The following AMY2A variants were observed in gnomAD, a reference collection of about 807,000 sequenced individuals.
AMY2A encodes the protein pancreatic alpha-amylase.
In AMY2A, 16 loss-of-function variants were observed where a neutral mutation model predicts 43.0. The observed-to-expected ratio is 0.37, with a 90% confidence interval of 0.25 to 0.56. The LOEUF is 0.56. Ranked by LOEUF, AMY2A falls within the 20% of genes least tolerant of loss-of-function variation. The pLI is 0.77. For synonymous variants in AMY2A, 70 were observed against 144.6 expected (o/e 0.48, Z 3.70); for missense variants, 212 against 456.8 (o/e 0.46, Z 4.89).
chr1:103,619,929 A>C (rs1197750648), intron 4 of AMY2A, 145 bp downstream of exon 4: 13 of 1,429,776 alleles, frequency 9.1e-6, no homozygotes, highest in Non-Finnish European at 1.2e-5. Flanking sequence ...TTCTTCACAT[A>C]CAGCATATCT....
chr1:103,618,128 A>T, intron 2 of AMY2A, 28 bp downstream of exon 2: 1 of 1,587,824 alleles, frequency 6.3e-7, no homozygotes, highest in Non-Finnish European at 8.6e-7. Flanking sequence ...TCCTTTAAAA[A>T]TAACAGACAG....
At position 103,618,983 on chromosome 1, in the gene AMY2A, T is replaced by C; in HGVS notation, c.388T>C (p.Cys130Arg). 2.1e-6 allele frequency: 3 copies of C among 1,403,966 alleles called. No homozygotes were observed. The highest frequency in any genetic ancestry group is 2.7e-5 in the South Asian group (2 of 73,496). 87.0% of individuals were successfully genotyped at this position (1,403,966 alleles called of 1,614,324 possible). A position where few individuals can be genotyped will look rare whatever the true frequency, so the allele number is the denominator to read the frequency against. Reference sequence around the variant, plus strand: ...TGTGAGTGCAGGAACAAGCAGTACCTGTGGAAGTTACTTCAACCCTGGAAG... The same window carrying C: ...TGTGAGTGCAGGAACAAGCAGTACCCGTGGAAGTTACTTCAACCCTGGAAG... Reference protein sequence around the residue: ...NAVSAGTSSTCGSYFNPGSRD... With the variant: ...NAVSAGTSSTRGSYFNPGSRD... The change falls in exon 3 of 10, where the codon TGT becomes CGT. Residue 130 changes from cysteine (C) to arginine (R), a missense_variant. Transcript: ENST00000414303.
At chr1:103,617,297 G>T (rs1570666170), upstream of AMY2A, 10 of 1,465,888 alleles carry the variant, frequency 6.8e-6, no homozygotes, top group East Asian at 2.3e-4. Context: ...TACCTGTTAG[G>T]ATTATTATTG....
At chr1:103,617,882 T>A in intron 1 of AMY2A, 72 bp from the exon 2 acceptor site, 1 of 1,592,196 alleles carries the variant, frequency 6.3e-7, no homozygotes, top group Non-Finnish European at 8.6e-7. Context: ...ATACTATTGA[T>A]TAGTTTCTAG....
Position 103,619,564 on chromosome 1 carries a change from GT to G in AMY2A, c.525del (p.Arg176ValfsTer2). On this transcript the variant is annotated frameshift_variant, in exon 4 of 10. Coordinates refer to ENST00000414303, the MANE Select transcript of AMY2A (RefSeq NM_000699.4). LOFTEE classifies it high-confidence loss of function. ...NYNDATQVRD[C>X]RLTGLLDLAL... The stretch of plus-strand genomic sequence containing the variant: ...TTTTTACCTCAACAGGTCAGAGATT[GT>G]CGTCTGACTGGTCTTCTTGATCTTG... 1 of 1,610,280 alleles carries G rather than the reference GT, an allele frequency of 6.2e-7. No homozygotes were observed. The highest frequency in any genetic ancestry group is 8.5e-7 in the Non-Finnish European group (1 of 1,177,136).
chr1:103,616,973 C>T (rs1653093204), upstream of AMY2A: 2 of 1,041,288 alleles, frequency 1.9e-6, no homozygotes, highest in Non-Finnish European at 2.3e-6. Context: ...GCCATAGGAC[C>T]CAGTTTCCTT....
rs1653160458 is a variant in AMY2A at position 103,619,070 on chromosome 1, G to T, written c.475G>T (p.Gly159Ter). Residue 159 changes from glycine (G) to a stop codon, truncating the protein, a stop_gained, in exon 3 of 10, where the codon GGA becomes TGA. Coordinates refer to ENST00000414303, the MANE Select transcript of AMY2A (RefSeq NM_000699.4). LOFTEE classifies it high-confidence loss of function. The stretch of plus-strand genomic sequence containing the variant: ...TTTCAATGATGGTAAATGTAAAACT[G>T]GAAGTGGAGATATCGAGAACTACAA... ...WDFNDGKCKT[G>*]SGDIENYNDA... 11 of 1,259,406 alleles carry T rather than the reference G, an allele frequency of 8.7e-6. No homozygotes were observed. Among genetic ancestry groups the T allele is most frequent in the Non-Finnish European group, 1.2e-5 (11 of 930,614 alleles). The allele number at this position is 1,259,406 out of a possible 1,614,324, so 78.0% of individuals were successfully genotyped here. A position where few individuals can be genotyped will look rare whatever the true frequency, so the allele number is the denominator to read the frequency against.
upstream of AMY2A, chr1:103,616,839 T>A (rs1653090043): frequency 6.7e-6 from 2 of 297,750 alleles, no homozygotes; most frequent in African/African-American, 2.2e-5. Context: ...CGGCCAGCAG[T>A]CTCTGATCTG....
At chr1:103,617,059 T>C (rs1653095578), upstream of AMY2A, 3 of 976,208 alleles carry the variant, frequency 3.1e-6, no homozygotes, top group Non-Finnish European at 3.9e-6. Flanking sequence ...CATTTATACC[T>C]GTAAAAGTAT....
upstream of AMY2A, chr1:103,616,792 T>G (rs1237553288): frequency 5.7e-6 from 1 of 174,496 alleles, no homozygotes; most frequent in Non-Finnish European, 1.1e-5. Context: ...GCTAAAAACA[T>G]GCTTGTGGAA....
At chr1:103,618,732 T>TCTAGA (rs1339827417) in intron 2 of AMY2A, among the ~76,000 whole-genome samples, 179 bp from the exon 3 acceptor site, 78 of 150,902 alleles carry the variant, frequency 5.2e-4, no homozygotes, top group African/African-American at 1.8e-3. Flanking sequence ...AGAAGGCATG[T>TCTAGA]AGGTGTTTAG....
intron 1 of AMY2A, 40 bp downstream of exon 1, chr1:103,617,648 G>C: frequency 1.2e-6 from 2 of 1,600,900 alleles, no homozygotes; most frequent in Non-Finnish European, 1.7e-6. Context: ...AATTCACTGT[G>C]CTTGTAGGAA....
upstream of AMY2A, chr1:103,617,370 AC>A (rs2101097517): frequency 6.4e-7 from 1 of 1,555,760 alleles, no homozygotes; most frequent in East Asian, 2.2e-5. Context: ...GCTAATATTT[AC>A]TTTGTAAAAT....
At position 103,619,101 on chromosome 1, in the gene AMY2A, C is replaced by T. The variant is rs1040954876; in HGVS notation, c.506C>T (p.Ala169Val). The stretch of plus-strand genomic sequence containing the variant: ...GGAGATATCGAGAACTACAATGATG[C>T]TACTCAGGTAATTTTTTTACGAGAG... The part of the protein sequence containing the change: ...GSGDIENYND[A>V]TQVRDCRLTG... Residue 169 changes from alanine (A) to valine (V), a missense_variant, in exon 3 of 10, where the codon GCT becomes GTT. This residue lies in a region of AMY2A where 199 missense variants were observed against 210.6 expected (regional missense o/e 0.94). Transcript: ENST00000414303. 1.8e-6 allele frequency: 2 copies of T among 1,087,844 alleles called. No homozygotes were observed. The allele number at this position is 1,087,844 out of a possible 1,614,324, so 67.4% of individuals were successfully genotyped here.
At chr1:103,623,328 G>T (rs559395706) in intron 7 of AMY2A, among the ~76,000 whole-genome samples, 165 of 134,934 alleles carry the variant, frequency 1.2e-3, no homozygotes, top group African/African-American at 4.5e-3. Context: ...AGAAGCTCTT[G>T]CAGGCCAGGT....
chr1:103,620,123 G>GT (rs1452912848), intron 4 of AMY2A, among the ~76,000 whole-genome samples: 1 of 141,718 alleles, frequency 7.1e-6, no homozygotes, highest in African/African-American at 2.5e-5. Flanking sequence ...TAAAAATTAG[G>GT]TAAGTATTTT....
chr1:103,623,604 A>G (rs1229479122), intron 7 of AMY2A, among the ~76,000 whole-genome samples: 21 of 106,542 alleles, frequency 2.0e-4, no homozygotes, highest in Non-Finnish European at 3.0e-4. Context: ...GACAGAGCAA[A>G]GAAGCCTTTG....
Position 103,619,180 on chromosome 1 carries a change from G to A in AMY2A, c.513+72G>A. 6.8e-6 allele frequency: 4 copies of A among 588,620 alleles called. No homozygotes were observed. In the South Asian group the frequency reaches 8.4e-5, roughly 12 times the overall value. 36.5% of individuals were successfully genotyped at this position (588,620 alleles called of 1,614,324 possible). On this transcript the variant is annotated intron_variant, in intron 3 of 9. Coordinates refer to ENST00000414303, the MANE Select transcript of AMY2A (RefSeq NM_000699.4). ...TTTTCTTGTAGACATGTAGCTAATT[G>A]AATTTCATTTAAAATAGGAATTTAG...
chr1:103,623,752 T>G (rs1320974169), intron 7 of AMY2A, 114 bp from the exon 8 acceptor site: 5 of 1,210,430 alleles, frequency 4.1e-6, no homozygotes, highest in African/African-American at 1.6e-5. Flanking sequence ...GGATTCTAGA[T>G]AAAGTCACTG....
Sources: allele counts gnomAD v4.1 joint callset (sites outside exome capture counted in the v4.1 genomes callset), GRCh38; gene constraint gnomAD v4.1.1; regional missense constraint gnomAD v4.1.1; transcripts MANE v1.5; gene names NCBI Gene and HGNC (gene_info 2026-07-23, HGNC 2026-07-21).